TMEM229B: variants seen among roughly 807,000 people sequenced by gnomAD.
The protein encoded by TMEM229B is transmembrane protein 229B.
A neutral mutation model predicts 13.7 loss-of-function variants in TMEM229B; 6 were observed. The observed-to-expected ratio is 0.44, with a 90% CI of 0.24 to 0.86. The LOEUF is 0.86. Ranked by LOEUF, TMEM229B falls within the 40% of genes least tolerant of loss-of-function variation. TMEM229B has a pLI of 0.23. For missense variants in TMEM229B, 170 were observed against 236.0 expected, an observed-to-expected ratio of 0.72 and a Z score of 1.83; for synonymous variants, 107 against 102.1, an observed-to-expected ratio of 1.05 and a Z score of -0.29.
chr14:67,485,229 C>T (rs1229831527), intron 2 of TMEM229B, among the ~76,000 whole-genome samples: 1 of 152,184 alleles, frequency 6.6e-6, no homozygotes, highest in African/African-American at 2.4e-5. Flanking sequence ...ATCTGAGGAA[C>T]GACGTTCCCA....
chr14:67,479,612 G>A (rs866253749), intron 2 of TMEM229B, among the ~76,000 whole-genome samples: 2 of 152,106 alleles, frequency 1.3e-5, no homozygotes, highest in Non-Finnish European at 2.9e-5. Context: ...CAGCTACTCG[G>A]GAGGCTGAGG....
intron 1 of TMEM229B, among the ~76,000 whole-genome samples, chr14:67,512,210 G>A (rs2033051636): frequency 6.6e-6 from 1 of 152,096 alleles, no homozygotes; most frequent in Admixed American, 6.6e-5. Flanking sequence ...ACTCTCAGTG[G>A]GACTCAGTTT....
rs187145608 is a variant in TMEM229B at position 67,513,315 on chromosome 14, T to A, written c.-192+1771A>T. 2.9e-3 allele frequency among the ~76,000 whole-genome samples: 435 copies of A among 152,228 alleles called. 5 individuals carry two copies. Among genetic ancestry groups the A allele is most frequent in the African/African-American group, 9.8e-3 (409 of 41,538 alleles). ...AATCAATCCTGCCTGCCTGTTAGAA[T>A]GGGAAGGTCCATAGAAGTGGGCCTA... On this transcript the variant is annotated intron_variant, in intron 1 of 2. Coordinates refer to the TMEM229B transcript ENST00000357461.
Position 67,499,484 on chromosome 14 carries a change from C to T in TMEM229B, c.-191-12312G>A, listed in dbSNP as rs79141960. On this transcript the variant is annotated intron_variant, in intron 1 of 2. Coordinates refer to the TMEM229B transcript ENST00000357461. Reference sequence around the variant, plus strand: ...GGTAGAAGACCACAGGTTATCTCTACAGGCCAGGGAAATGATAAATGTTTC... The same window carrying T: ...GGTAGAAGACCACAGGTTATCTCTATAGGCCAGGGAAATGATAAATGTTTC... 2.7e-3 allele frequency among the ~76,000 whole-genome samples: 409 copies of T among 152,296 alleles called. 1 individual carries two copies. Among genetic ancestry groups the T allele is most frequent in the African/African-American group, 9.6e-3 (400 of 41,562 alleles).
intron 2 of TMEM229B, among the ~76,000 whole-genome samples, chr14:67,478,374 TC>T (rs1396807935): frequency 6.6e-6 from 1 of 152,174 alleles, no homozygotes; most frequent in Non-Finnish European, 1.5e-5. Flanking sequence ...TTGGGATCCA[TC>T]CCCTCCTCTT....
intron 2 of TMEM229B, among the ~76,000 whole-genome samples, chr14:67,477,166 CAAAA>C (rs3070452): frequency 7.3e-6 from 1 of 137,124 alleles, no homozygotes. Context: ...AACTCCATCT[CAAAA>C]AAAAAAAAAA....
chr14:67,513,386 A>T (rs1042589949), intron 1 of TMEM229B, among the ~76,000 whole-genome samples: 1 of 152,162 alleles, frequency 6.6e-6, no homozygotes, highest in Non-Finnish European at 1.5e-5. Context: ...TTAGCCACAA[A>T]TTGCAGGGCC....
At chr14:67,494,726 C>A (rs754981891) in intron 1 of TMEM229B, among the ~76,000 whole-genome samples, 2 of 152,152 alleles carry the variant, frequency 1.3e-5, no homozygotes, top group Non-Finnish European at 2.9e-5. Flanking sequence ...GAGAGGTGAC[C>A]TGAAGACCCC....
At chr14:67,490,618 A>G (rs1190912059), upstream of TMEM229B, among the ~76,000 whole-genome samples, 5 of 152,096 alleles carry the variant, frequency 3.3e-5, no homozygotes, top group African/African-American at 1.2e-4. Flanking sequence ...CTTTCCTATA[A>G]CTATTTAAGG....
intron 1 of TMEM229B, among the ~76,000 whole-genome samples, chr14:67,495,250 T>G (rs545128909): frequency 6.6e-6 from 1 of 152,134 alleles, no homozygotes; most frequent in Non-Finnish European, 1.5e-5. Context: ...CTGGAAACAT[T>G]TCCTCTTCCA....
chr14:67,487,557 C>T (rs908128383), intron 1 of TMEM229B, among the ~76,000 whole-genome samples: 1 of 152,206 alleles, frequency 6.6e-6, no homozygotes, highest in Non-Finnish European at 1.5e-5. Context: ...GTCAGAACCT[C>T]ATGGAAGGCA....
chr14:67,508,012 C>T (rs1295642612), intron 1 of TMEM229B, among the ~76,000 whole-genome samples: 1 of 152,038 alleles, frequency 6.6e-6, no homozygotes. Flanking sequence ...GGGGCGCATG[C>T]CTCTAATCCC....
At chr14:67,527,547 A>G (rs1472732811) in intron 1 of TMEM229B, among the ~76,000 whole-genome samples, 1 of 152,214 alleles carries the variant, frequency 6.6e-6, no homozygotes, top group African/African-American at 2.4e-5. Context: ...ATTAGAAAGA[A>G]AGATTTCATT....
intron 1 of TMEM229B, among the ~76,000 whole-genome samples, chr14:67,511,664 G>A (rs1163010896): frequency 1.3e-5 from 2 of 152,240 alleles, no homozygotes; most frequent in Non-Finnish European, 2.9e-5. Flanking sequence ...AAAATCAGAG[G>A]AGGGTGGAAA....
At chr14:67,475,861 A>G (rs574938959) in intron 2 of TMEM229B, among the ~76,000 whole-genome samples, 4 of 152,114 alleles carry the variant, frequency 2.6e-5, no homozygotes, top group African/African-American at 4.8e-5. Flanking sequence ...TGCCACCCCA[A>G]TGGCTTTTTG....
At chr14:67,531,027 T>C (rs1594726019) in intron 1 of TMEM229B, among the ~76,000 whole-genome samples, 2 of 152,316 alleles carry the variant, frequency 1.3e-5, no homozygotes, top group South Asian at 2.1e-4. Context: ...CCCTAGCATA[T>C]CCTTCAACTC....
At position 67,473,682 on chromosome 14, in the gene TMEM229B, G is replaced by A. The variant is rs780840573; in HGVS notation, c.242C>T (p.Thr81Met). 2.5e-6 allele frequency: 4 copies of A among 1,584,818 alleles called. No individual in the cohort carries two copies. Among genetic ancestry groups the A allele is most frequent in the South Asian group, 1.1e-5 (1 of 87,550 alleles). ...CPLLLRCLIY[T>M]LWTYLWEFTT... The stretch of plus-strand genomic sequence containing the variant: ...GAACTCCCACAGGTAGGTCCAGAGC[G>A]TGTAGATGAGGCAGCGCAGGAGCAG... Residue 81 changes from threonine (T) to methionine (M), a missense_variant, in exon 3 of 3, where the codon ACG (threonine) becomes ATG (methionine). Coordinates refer to ENST00000554480, the MANE Select transcript of TMEM229B (RefSeq NM_001348543.2). The surrounding 1 kb of genome is among the most constrained non-coding windows in gnomAD (Gnocchi z 6.5).
chr14:67,510,436 A>G (rs952598543), intron 1 of TMEM229B, among the ~76,000 whole-genome samples: 1 of 152,212 alleles, frequency 6.6e-6, no homozygotes, highest in Admixed American at 6.5e-5. Flanking sequence ...GATCACATCC[A>G]AGTACCACAG....
chr14:67,496,391 GTTTTTTTTTTTT>G (rs555715850), intron 1 of TMEM229B, among the ~76,000 whole-genome samples: 10 of 30,106 alleles, frequency 3.3e-4, no homozygotes, highest in South Asian at 2.2e-3. Flanking sequence ...CTGCTCCGGC[GTTTTTTTTTTTT>G]TTTTTTTTTT....
Sources: allele counts gnomAD v4.1 joint callset (sites outside exome capture counted in the v4.1 genomes callset), GRCh38; gene constraint gnomAD v4.1.1; non-coding constraint Gnocchi (gnomAD v3.1); transcripts MANE v1.5; gene names NCBI Gene and HGNC (gene_info 2026-07-23, HGNC 2026-07-21).